CPNE4: variants seen among roughly 807,000 people sequenced by gnomAD.
CPNE4 encodes the protein copine-4.
In CPNE4, 25 loss-of-function variants were observed where a neutral mutation model predicts 67.9. The ratio of observed to expected loss-of-function variants is 0.37; its 90% confidence interval spans 0.27 to 0.51. The LOEUF (loss-of-function observed/expected upper bound fraction) is 0.51. Among genes scored for constraint, CPNE4 ranks in the 20% least tolerant of loss-of-function variants. CPNE4 has a pLI of 0.93. For synonymous variants in CPNE4, 242 were observed against 244.9 expected (o/e 0.99, Z 0.11); for missense variants, 464 against 690.8 (o/e 0.67, Z 3.68).
In CPNE4 at chr3:131,896,868, T is replaced by A. The variant is rs182964342; in HGVS notation, c.180+8396A>T. On this transcript the variant is annotated intron_variant, in intron 2 of 15. Coordinates refer to ENST00000429747, the MANE Select transcript of CPNE4 (RefSeq NM_130808.3). ...TTAGACATTAAGCATAATTTTTCTC[T>A]ACAAAATGCTCAGGAATACTTGCTC... Among the ~76,000 whole-genome samples the A allele has an allele frequency of 5.9e-5, 9 of 152,226 alleles. No homozygotes were observed. In the East Asian group the frequency reaches 1.5e-3, roughly 26 times the overall value.
intron 1 of CPNE4, among the ~76,000 whole-genome samples, chr3:132,033,143 G>A (rs1159555886): frequency 1.3e-5 from 2 of 152,242 alleles, no homozygotes; most frequent in South Asian, 2.1e-4. Context: ...GTGTGCGCGC[G>A]GGGGCGCGCG....
At chr3:131,862,860 C>T (rs1158879256) in intron 2 of CPNE4, among the ~76,000 whole-genome samples, 1 of 149,494 alleles carries the variant, frequency 6.7e-6, no homozygotes. Flanking sequence ...CCTCCCCCAT[C>T]CCCCCACCCC....
At chr3:131,938,334 G>A (rs1314547985) in intron 1 of CPNE4, among the ~76,000 whole-genome samples, 2 of 151,412 alleles carry the variant, frequency 1.3e-5, no homozygotes, top group Non-Finnish European at 2.9e-5. Context: ...TCCAGCCTGC[G>A]TGACAGAGTG....
chr3:131,644,159 T>TG (rs897945378), intron 7 of CPNE4, among the ~76,000 whole-genome samples: 2 of 152,008 alleles, frequency 1.3e-5, no homozygotes, highest in African/African-American at 4.8e-5. Context: ...CATTTCTTTT[T>TG]TTTTTTGAGA....
At chr3:132,000,542 A>G (rs6439333) in intron 1 of CPNE4, among the ~76,000 whole-genome samples, 41,284 of 151,252 alleles carry the variant, frequency 0.27, 6,754 homozygotes, top group African/African-American at 0.46. Flanking sequence ...TTACTAGTAA[A>G]CGTTAAGGAC....
chr3:131,652,680 C>T (rs1025917528), intron 7 of CPNE4, among the ~76,000 whole-genome samples: 2 of 152,122 alleles, frequency 1.3e-5, no homozygotes, highest in African/African-American at 4.8e-5. Flanking sequence ...TAGTCATACA[C>T]ACACATGAGC....
intron 3 of CPNE4, among the ~76,000 whole-genome samples, chr3:131,721,557 G>A (rs776804426): frequency 1.3e-5 from 2 of 151,812 alleles, no homozygotes; most frequent in African/African-American, 4.8e-5. Context: ...CACCACACCC[G>A]GCTATTTTTT....
chr3:131,547,481 AAAAAAAAAAAAAAAAAAAAAC>A (rs1935929134), intron 14 of CPNE4, among the ~76,000 whole-genome samples: 1 of 138,372 alleles, frequency 7.2e-6, no homozygotes, highest in African/African-American at 3.0e-5. Context: ...AAAAAAAAAA[AAAAAAAAAAAAAAAAAAAAAC>A]CTAATAGTGT....
At chr3:131,658,991 G>A (rs1378650343) in intron 7 of CPNE4, among the ~76,000 whole-genome samples, 1 of 152,160 alleles carries the variant, frequency 6.6e-6, no homozygotes. Context: ...AATCCAGTTT[G>A]TGAAAACCTT....
chr3:131,808,502 C>T (rs1453396255), intron 2 of CPNE4, among the ~76,000 whole-genome samples: 1 of 149,366 alleles, frequency 6.7e-6, no homozygotes, highest in African/African-American at 2.4e-5. Flanking sequence ...AGAAACTACT[C>T]AAACTAAAAC....
chr3:131,885,044 G>C (rs980305248), intron 2 of CPNE4, among the ~76,000 whole-genome samples: 1 of 152,216 alleles, frequency 6.6e-6, no homozygotes, highest in African/African-American at 2.4e-5. Context: ...GTAACAGGCA[G>C]AGGTTGGAAC....
intron 2 of CPNE4, among the ~76,000 whole-genome samples, chr3:131,763,567 G>A (rs1008695078): frequency 6.6e-6 from 1 of 152,128 alleles, no homozygotes; most frequent in Non-Finnish European, 1.5e-5. Context: ...ATGATGGACA[G>A]AACAAAGAGG....
intron 7 of CPNE4, among the ~76,000 whole-genome samples, chr3:131,600,376 G>A (rs1275048705): frequency 6.6e-6 from 1 of 152,162 alleles, no homozygotes; most frequent in Non-Finnish European, 1.5e-5. Context: ...GTGACCTGTA[G>A]ATGAATGTGT....
chr3:131,590,694 T>A (rs1255861688), intron 7 of CPNE4, among the ~76,000 whole-genome samples: 1 of 152,098 alleles, frequency 6.6e-6, no homozygotes, highest in Non-Finnish European at 1.5e-5. Flanking sequence ...TTGCTGGAAA[T>A]GTTCAAGCAG....
intron 2 of CPNE4, among the ~76,000 whole-genome samples, chr3:131,892,243 T>TG: frequency 6.6e-6 from 1 of 152,228 alleles, no homozygotes; most frequent in Admixed American, 6.5e-5. Context: ...ATAGCTGCAT[T>TG]GCCACCAATG....
chr3:131,590,437 A>C (rs1486508559), intron 7 of CPNE4, among the ~76,000 whole-genome samples: 1 of 152,112 alleles, frequency 6.6e-6, no homozygotes, highest in Non-Finnish European at 1.5e-5. Context: ...CTCTCAGATG[A>C]CCTATGTGTG....
At chr3:131,903,649 A>G (rs1413501778) in intron 2 of CPNE4, among the ~76,000 whole-genome samples, 1 of 152,052 alleles carries the variant, frequency 6.6e-6, no homozygotes, top group Non-Finnish European at 1.5e-5. Flanking sequence ...TCTTGGGAAA[A>G]TCCTTAATCT....
chr3:131,611,619 A>C (rs1582889531), intron 7 of CPNE4, among the ~76,000 whole-genome samples: 1 of 151,338 alleles, frequency 6.6e-6, no homozygotes, highest in African/African-American at 2.4e-5. Context: ...TTGTGTGGGC[A>C]TATGGAGGAC....
intron 13 of CPNE4, 75 bp downstream of exon 13, chr3:131,552,365 G>T: frequency 8.1e-7 from 1 of 1,237,912 alleles, no homozygotes; most frequent in Non-Finnish European, 1.2e-6. Flanking sequence ...TGCTACACCA[G>T]CAGAGATGAA....
Sources: gnomAD v4.1 joint callset for allele counts (sites outside exome capture counted in the v4.1 genomes callset) on GRCh38, gnomAD v4.1.1 for gene constraint, MANE v1.5 for transcripts, NCBI Gene and HGNC (gene_info 2026-07-23, HGNC 2026-07-21) for gene names.